TINAG: variants seen among roughly 807,000 people sequenced by gnomAD.
TINAG encodes the protein tubulointerstitial nephritis antigen.
TINAG carries 83 observed loss-of-function variants against 72.7 expected under a neutral mutation model. That is an observed-to-expected ratio of 1.14 (90% CI 0.96 to 1.37). The LOEUF (loss-of-function observed/expected upper bound fraction) is 1.37, where lower values mean the gene tolerates loss of function less well. Ranked by LOEUF, TINAG falls within the 40% of genes most tolerant of loss-of-function variation. The probability of loss-of-function intolerance (pLI) is 0.00; values close to 1 mark genes in which losing one functional copy is unlikely to be tolerated. For synonymous variants in TINAG, 234 were observed against 189.9 expected, an observed-to-expected ratio of 1.23 and a Z score of -1.91; for missense variants, 685 against 576.6, an observed-to-expected ratio of 1.19 and a Z score of -1.93.
At chr6:54,360,295 A>T (rs1356659913) in intron 9 of TINAG, among the ~76,000 whole-genome samples, 1 of 151,702 alleles carries the variant, frequency 6.6e-6, no homozygotes, top group Non-Finnish European at 1.5e-5. Context: ...ATGGCTATAG[A>T]TGCATTTAAT....
chr6:54,372,727 CATATATATATATATATATATATATATAT>C lies in TINAG; in HGVS notation c.1251-7781_1251-7754del, dbSNP rs67301819. Among the ~76,000 whole-genome samples the C allele has an allele frequency of 4.3e-4, 58 of 133,956 alleles. 1 individual carries two copies. The highest frequency in any genetic ancestry group is 1.3e-3 in the Admixed American group (15 of 11,260). The allele number at this position is 133,956 out of a possible 152,430, so 87.9% of individuals were successfully genotyped here. The stretch of plus-strand genomic sequence containing the variant: ...TCCAAGAATATTATATAAATACATA[CATATATATATATATATATATATATATAT>C]ATATATATATATATATACACACACA... On this transcript the variant is annotated intron_variant, in intron 9 of 10. Coordinates refer to ENST00000259782, the MANE Select transcript of TINAG (RefSeq NM_014464.4).
intron 9 of TINAG, among the ~76,000 whole-genome samples, chr6:54,365,694 G>T (rs1763386804): frequency 6.6e-6 from 1 of 151,558 alleles, no homozygotes; most frequent in African/African-American, 2.4e-5. Flanking sequence ...ACATTTTAAT[G>T]AGTTATATTT....
intron 5 of TINAG, among the ~76,000 whole-genome samples, chr6:54,344,300 A>G (rs1263438817): frequency 6.6e-6 from 1 of 152,158 alleles, no homozygotes; most frequent in Non-Finnish European, 1.5e-5. Flanking sequence ...AACTCCAGAA[A>G]TGCCTTTGTT....
intron 9 of TINAG, among the ~76,000 whole-genome samples, chr6:54,366,520 C>G (rs149940629): frequency 1.3e-3 from 203 of 150,448 alleles, no homozygotes; most frequent in Admixed American, 4.1e-3. Flanking sequence ...TGTCAAGTAC[C>G]ATGGCAGGCA....
intron 4 of TINAG, among the ~76,000 whole-genome samples, chr6:54,337,187 A>G (rs1184234963): frequency 2.0e-5 from 3 of 151,472 alleles, no homozygotes; most frequent in African/African-American, 7.3e-5. Context: ...CATAAGAAAT[A>G]TCTTTGAAAA....
rs1188379746 is a variant in TINAG, at chr6:54,308,768, A to G, written c.218A>G (p.Glu73Gly). Reference sequence around the variant, plus strand: ...GACAGAGATGATGGCTGTGTCACTGAGTTCTATGCGGCGAATGCGTTGTGC... The same window carrying G: ...GACAGAGATGATGGCTGTGTCACTGGGTTCTATGCGGCGAATGCGTTGTGC... ...CEDRDDGCVT[E>G]FYAANALCYC... Residue 73 changes from glutamate to glycine, a missense_variant, in exon 1 of 11, where the codon GAG becomes GGG. Coordinates refer to ENST00000259782, the MANE Select transcript of TINAG (RefSeq NM_014464.4). 1 of 1,613,884 alleles carries G rather than the reference A, an allele frequency of 6.2e-7. No homozygotes were observed.
chr6:54,372,793 T>G (rs1486609040), intron 9 of TINAG, among the ~76,000 whole-genome samples: 1 of 144,640 alleles, frequency 6.9e-6, no homozygotes, highest in African/African-American at 2.5e-5. Flanking sequence ...CACATATACA[T>G]GACAATTCTG....
intron 1 of TINAG, among the ~76,000 whole-genome samples, chr6:54,316,725 A>G (rs1247589021): frequency 6.6e-6 from 1 of 152,212 alleles, no homozygotes. Context: ...CACTGTGATG[A>G]ACTATTTTAA....
At chr6:54,308,341 GT>G (rs1784158049), upstream of TINAG, 9 of 636,238 alleles carry the variant, frequency 1.4e-5, no homozygotes, top group South Asian at 1.9e-4. Flanking sequence ...AATAACAATA[GT>G]TTATTTCTAA....
At chr6:54,371,561 A>G (rs1582752056) in intron 9 of TINAG, among the ~76,000 whole-genome samples, 1 of 151,822 alleles carries the variant, frequency 6.6e-6, no homozygotes, top group African/African-American at 2.4e-5. Flanking sequence ...ATTTATTTTT[A>G]AAATTTATTA....
chr6:54,314,235 G>T (rs574755666), intron 1 of TINAG, among the ~76,000 whole-genome samples: 2 of 152,240 alleles, frequency 1.3e-5, no homozygotes, highest in South Asian at 4.1e-4. Flanking sequence ...ATTTTGCCTG[G>T]ATTCACTTTG....
chr6:54,338,884 T>C (rs1469421746), intron 4 of TINAG, among the ~76,000 whole-genome samples: 1 of 152,084 alleles, frequency 6.6e-6, no homozygotes, highest in Non-Finnish European at 1.5e-5. Flanking sequence ...TAGCAGTTTG[T>C]AAAAAACACT....
intron 9 of TINAG, among the ~76,000 whole-genome samples, chr6:54,374,367 C>T (rs1763719333): frequency 6.6e-6 from 1 of 152,030 alleles, no homozygotes; most frequent in Non-Finnish European, 1.5e-5. Context: ...ATATTGAACC[C>T]TAGCTTGATT....
chr6:54,374,505 C>T (rs1378675537), intron 9 of TINAG, among the ~76,000 whole-genome samples: 1 of 152,090 alleles, frequency 6.6e-6, no homozygotes, highest in Non-Finnish European at 1.5e-5. Context: ...TATTCAATAA[C>T]ACTTCATTTA....
intron 7 of TINAG, among the ~76,000 whole-genome samples, chr6:54,350,168 A>G (rs1377870130): frequency 6.6e-6 from 1 of 152,018 alleles, no homozygotes; most frequent in Non-Finnish European, 1.5e-5. Context: ...GTGTATATAC[A>G]TATATTTGAA....
chr6:54,321,445 A>G lies in TINAG; in HGVS notation c.509+59A>G, dbSNP rs1435965049. 3.4e-6 allele frequency: 4 copies of G among 1,187,924 alleles called. No individual in the cohort carries two copies. The East Asian group carries it at 9.4e-5, about 28-fold the overall frequency. 73.6% of individuals were successfully genotyped at this position (1,187,924 alleles called of 1,614,324 possible). On this transcript the variant is annotated intron_variant, in intron 3 of 10. Coordinates refer to ENST00000259782, the MANE Select transcript of TINAG (RefSeq NM_014464.4). ...ACTGCCATTTACTATGCAGGTTTCA[A>G]TGTATTGCTTGGTTTCTATAAATGG...
At chr6:54,353,557 A>G (rs2150962142) in intron 8 of TINAG, among the ~76,000 whole-genome samples, 1 of 151,998 alleles carries the variant, frequency 6.6e-6, no homozygotes, top group Non-Finnish European at 1.5e-5. Context: ...AAAATCCTCT[A>G]GGAATGTGTT....
intron 9 of TINAG, among the ~76,000 whole-genome samples, chr6:54,366,015 A>G (rs143488029): frequency 7.9e-5 from 12 of 151,760 alleles, no homozygotes; most frequent in African/African-American, 2.7e-4. Flanking sequence ...GAATAAAGTA[A>G]TACATGCTTT....
intron 4 of TINAG, among the ~76,000 whole-genome samples, chr6:54,335,821 A>T (rs534797572): frequency 6.6e-6 from 1 of 152,284 alleles, no homozygotes; most frequent in African/African-American, 2.4e-5. Context: ...AACTTTTAAA[A>T]AATCATTTTC....
Sources: allele counts gnomAD v4.1 joint callset (sites outside exome capture counted in the v4.1 genomes callset), GRCh38; gene constraint gnomAD v4.1.1; transcripts MANE v1.5; gene names NCBI Gene and HGNC (gene_info 2026-07-23, HGNC 2026-07-21).